Variants in CHD6 observed in about 807,000 individuals in gnomAD.
CHD6 encodes chromodomain helicase DNA binding protein 6.
Under a neutral mutation model 276.9 loss-of-function variants are expected in CHD6, and 50 were observed. The ratio of observed to expected loss-of-function variants is 0.18; its 90% confidence interval spans 0.14 to 0.23. The LOEUF is 0.23. Among genes scored for constraint, CHD6 ranks in the 10% least tolerant of loss-of-function variants. The probability of loss-of-function intolerance (pLI) is 1.00; values close to 1 mark genes in which losing one functional copy is unlikely to be tolerated. For missense variants in CHD6, 2,564 were observed against 3,365.8 expected, an observed-to-expected ratio of 0.76 and a Z score of 5.89; for synonymous variants, 1,173 against 1,229.3, an observed-to-expected ratio of 0.95 and a Z score of 0.96.
In CHD6 at chr20:41,568,561, T is replaced by C. The variant is rs188238295; in HGVS notation, c.-23-17201A>G. ...GCCCAAGTGGCAAGTCAATCTATAA[T>C]TGGAAAACAGCTCCTCAACCAAACC... On this transcript the variant is annotated intron_variant, in intron 1 of 36. Transcript: ENST00000373233. Among the ~76,000 whole-genome samples the C allele has an allele frequency of 3.3e-5, 5 of 152,354 alleles. No homozygotes were observed. The East Asian group carries it at 5.8e-4, about 18-fold the overall frequency.
rs1464899460 is a variant in CHD6, at chr20:41,402,614, T to C, written c.*1979A>G. ...GATACAGGAATTTTTATAGCATTTG[T>C]ATTTTAAGGATTTAGGGCAAATACA... On this transcript the variant is annotated 3_prime_UTR_variant, in exon 37 of 37. Transcript: ENST00000373233. The C allele has an allele frequency of 4.4e-6, 1 of 225,304 alleles. No individual in the cohort carries two copies. Among genetic ancestry groups the C allele is most frequent in the Admixed American group, 5.7e-5 (1 of 17,518 alleles). The allele number at this position is 225,304 out of a possible 1,614,324, so 14.0% of individuals were successfully genotyped here. A position where few individuals can be genotyped will look rare whatever the true frequency, so the allele number is the denominator to read the frequency against.
chr20:41,424,540 G>A (rs946047539), intron 29 of CHD6, among the ~76,000 whole-genome samples: 9 of 152,188 alleles, frequency 5.9e-5, no homozygotes, highest in African/African-American at 2.2e-4. Flanking sequence ...AATTTCATAA[G>A]TCAGGAGTAC....
rs2045820716 is a variant in CHD6 at position 41,605,754 on chromosome 20, T to C, written c.-24+12586A>G. ...TAAATTTTAATTTTAATCAGAACTATTAGTAAAATTGACAAAATTTCATCT... is the reference window on the plus strand; with the variant it reads ...TAAATTTTAATTTTAATCAGAACTACTAGTAAAATTGACAAAATTTCATCT... On this transcript the variant is annotated intron_variant, in intron 1 of 36. Transcript: ENST00000373233. 2.3e-5 allele frequency among the ~76,000 whole-genome samples: 3 copies of C among 129,344 alleles called. No homozygotes were observed. In the South Asian group the frequency reaches 7.1e-4, roughly 30 times the overall value. 84.9% of individuals were successfully genotyped at this position (129,344 alleles called of 152,430 possible).
intron 29 of CHD6, among the ~76,000 whole-genome samples, chr20:41,424,647 T>C (rs2047304161): frequency 6.6e-6 from 1 of 152,260 alleles, no homozygotes; most frequent in Admixed American, 6.5e-5. Flanking sequence ...GCTTTGTTGA[T>C]ACCTTCTGGT....
At chr20:41,429,884 C>T (rs879859725) in intron 27 of CHD6, among the ~76,000 whole-genome samples, 9 of 152,220 alleles carry the variant, frequency 5.9e-5, no homozygotes, top group Non-Finnish European at 1.0e-4. Context: ...TGTGCCAGGG[C>T]TCCTTGCAAT....
At chr20:41,595,669 A>G (rs1038048809) in intron 1 of CHD6, among the ~76,000 whole-genome samples, 4 of 152,204 alleles carry the variant, frequency 2.6e-5, no homozygotes, top group African/African-American at 7.2e-5. Flanking sequence ...ATTCCCTCTA[A>G]TAGCCCTCCA....
At chr20:41,429,289 C>G (rs2047460118) in intron 27 of CHD6, among the ~76,000 whole-genome samples, 1 of 152,166 alleles carries the variant, frequency 6.6e-6, no homozygotes. Context: ...CATTCCAACC[C>G]AAATATACTT....
At chr20:41,524,206 G>A (rs1219590863) in intron 3 of CHD6, among the ~76,000 whole-genome samples, 2 of 152,138 alleles carry the variant, frequency 1.3e-5, no homozygotes. Flanking sequence ...TTGCACACTT[G>A]ATTCAGCTTT....
chr20:41,499,202 T>A (rs2145901437), intron 6 of CHD6, 93 bp downstream of exon 6: 1 of 926,980 alleles, frequency 1.1e-6, no homozygotes, highest in South Asian at 1.7e-5. Context: ...CTCCAGCCAA[T>A]AATGGTCATT....
intron 3 of CHD6, among the ~76,000 whole-genome samples, chr20:41,531,507 T>A (rs2044683724): frequency 6.6e-6 from 1 of 152,208 alleles, no homozygotes; most frequent in African/African-American, 2.4e-5. Context: ...CACTGGAGAC[T>A]AGAGTATGCT....
chr20:41,530,195 G>C (rs757817121), intron 3 of CHD6, among the ~76,000 whole-genome samples: 2 of 152,170 alleles, frequency 1.3e-5, no homozygotes, highest in Non-Finnish European at 2.9e-5. Context: ...GCTGATAAAC[G>C]AATGCCCATT....
At chr20:41,571,463 G>A (rs1406770407) in intron 1 of CHD6, among the ~76,000 whole-genome samples, 2 of 144,800 alleles carry the variant, frequency 1.4e-5, no homozygotes, top group Non-Finnish European at 3.0e-5. Flanking sequence ...CACGATCTCA[G>A]CTCACTGCAC....
intron 2 of CHD6, among the ~76,000 whole-genome samples, chr20:41,538,994 A>T (rs2044888820): frequency 6.6e-6 from 1 of 152,158 alleles, no homozygotes; most frequent in Non-Finnish European, 1.5e-5. Context: ...CACTGACCCC[A>T]TACCCTGCAT....
intron 31 of CHD6, among the ~76,000 whole-genome samples, chr20:41,419,288 G>A (rs1317241788): frequency 7.2e-5 from 11 of 151,990 alleles, no homozygotes. Flanking sequence ...TAAAAAGCTA[G>A]ATAACCTGAG....
At chr20:41,422,341 T>C (rs776233622) in intron 30 of CHD6, among the ~76,000 whole-genome samples, 8 of 152,106 alleles carry the variant, frequency 5.3e-5, no homozygotes, top group Non-Finnish European at 8.8e-5. Context: ...TAAATAAGCA[T>C]GTACTAGGCC....
intron 2 of CHD6, among the ~76,000 whole-genome samples, chr20:41,543,161 G>A (rs1018697350): frequency 2.6e-5 from 4 of 151,846 alleles, no homozygotes; most frequent in African/African-American, 7.3e-5. Flanking sequence ...TAACAAATGG[G>A]TATTAGGAAG....
intron 10 of CHD6, 132 bp from the exon 11 acceptor site, chr20:41,491,951 T>A: frequency 1.1e-6 from 1 of 945,274 alleles, no homozygotes; most frequent in Non-Finnish European, 1.6e-6. Flanking sequence ...ACCTTCTGAG[T>A]AACGTATAGG....
intron 19 of CHD6, among the ~76,000 whole-genome samples, chr20:41,455,415 G>A (rs928134110): frequency 1.3e-5 from 2 of 152,194 alleles, no homozygotes; most frequent in Non-Finnish European, 2.9e-5. Context: ...CAAATTGCTT[G>A]AGTTTGGGGA....
chr20:41,532,180 G>A (rs533154661), intron 3 of CHD6, among the ~76,000 whole-genome samples: 35 of 152,302 alleles, frequency 2.3e-4, no homozygotes, highest in Non-Finnish European at 4.1e-4. Flanking sequence ...TCTATACAGT[G>A]AATCTGTACC....
Sources: gnomAD v4.1 joint callset for allele counts (sites outside exome capture counted in the v4.1 genomes callset) on GRCh38, gnomAD v4.1.1 for gene constraint, MANE v1.5 for transcripts, NCBI Gene and HGNC (gene_info 2026-07-23, HGNC 2026-07-21) for gene names.